PIPOX: variants seen among roughly 807,000 people sequenced by gnomAD.
PIPOX encodes the protein pipecolic acid and sarcosine oxidase.
Under a neutral mutation model 47.9 loss-of-function variants are expected in PIPOX, and 45 were observed. The ratio of observed to expected loss-of-function variants is 0.94; its 90% CI spans 0.74 to 1.20. PIPOX has a LOEUF of 1.20. Among genes scored for constraint, PIPOX ranks in the 50% most tolerant of loss-of-function variants. The probability of loss-of-function intolerance (pLI) is 0.00; values close to 1 mark genes in which losing one functional copy is unlikely to be tolerated. For missense variants in PIPOX, 458 were observed against 498.4 expected, an observed-to-expected ratio of 0.92 and a Z score of 0.77; for synonymous variants, 165 against 191.3, an observed-to-expected ratio of 0.86 and a Z score of 1.13.
At chr17:29,044,518 G>A (rs1431700681) in intron 1 of PIPOX, 2 of 171,562 alleles carry the variant, frequency 1.2e-5, no homozygotes, top group Non-Finnish European at 1.2e-5. Flanking sequence ...CTATTGCACG[G>A]GCTGGAGTGC....
intron 7 of PIPOX, 85 bp from the exon 8 acceptor site, chr17:29,056,090 A>T: frequency 6.5e-7 from 1 of 1,546,812 alleles, no homozygotes; most frequent in Non-Finnish European, 8.9e-7. Flanking sequence ...GAGGACAGTC[A>T]GCCCTGTCTG....
chr17:29,046,866 C>T (rs1411372481), intron 2 of PIPOX: 9 of 554,636 alleles, frequency 1.6e-5, no homozygotes, highest in African/African-American at 1.4e-4. Context: ...CAGCTTTTTT[C>T]ATCTGTGAAG....
At position 29,056,580 on chromosome 17, in the gene PIPOX, T is replaced by C; in HGVS notation, c.*275T>C. The stretch of plus-strand genomic sequence containing the variant: ...CAACTACTTTCTCGCTCCCAGAAGG[T>C]TGATCAGATATTCTACAATCACAGA... On this transcript the variant is annotated 3_prime_UTR_variant, in exon 8 of 8. Transcript: ENST00000323372. 1 of 524,784 alleles carries C rather than the reference T, an allele frequency of 1.9e-6. No homozygotes were observed. The highest frequency in any genetic ancestry group is 3.4e-6 in the Non-Finnish European group (1 of 293,758). The allele number at this position is 524,784 out of a possible 1,614,324, so 32.5% of individuals were successfully genotyped here. A position where few individuals can be genotyped will look rare whatever the true frequency, so the allele number is the denominator to read the frequency against.
In PIPOX at chr17:29,055,192, C is replaced by A; in HGVS notation, c.937C>A (p.Pro313Thr). 1 of 1,614,186 alleles carries A rather than the reference C, an allele frequency of 6.2e-7. No individual in the cohort carries two copies. The highest frequency in any genetic ancestry group is 8.5e-7 in the Non-Finnish European group (1 of 1,180,046). ...TCACTTACCTGATCTGAAGCCCGAG[C>A]CTGCTGTCATTGAGAGCTGCATGTA... ...RDHLPDLKPE[P>T]AVIESCMYTN... is the part of the protein sequence containing the mutation. Residue 313 changes from proline to threonine, a missense_variant, in exon 6 of 8, where the codon CCT becomes ACT. Coordinates refer to ENST00000323372, the MANE Select transcript of PIPOX (RefSeq NM_016518.3).
chr17:29,049,080 GGCATTAGTCGGGCTATA>G lies in PIPOX; in HGVS notation c.264-3836_264-3820del, dbSNP rs369056121. Among the ~76,000 whole-genome samples the G allele has an allele frequency of 4.2e-3, 635 of 152,276 alleles. 7 individuals carry two copies. The highest frequency in any genetic ancestry group is 0.015 in the African/African-American group (613 of 41,562). ...CACCAACTCCCTACATCATATCTGA[GGCATTAGTCGGGCTATA>G]GCAGAGTCAACAAGGCCCTCGGGAG... On this transcript the variant is annotated intron_variant, in intron 2 of 7. Transcript: ENST00000323372.
Position 29,044,918 on chromosome 17 carries a change from G to A in PIPOX, c.174G>A (p.Ala58=), listed in dbSNP as rs761373078. 1.8e-5 allele frequency: 29 copies of A among 1,614,028 alleles called. No individual in the cohort carries two copies. The highest frequency in any genetic ancestry group is 1.8e-4 in the East Asian group (8 of 44,890). Residue 58 remains alanine (A), a synonymous_variant, in exon 2 of 8, where the codon GCG becomes GCA. Coordinates refer to ENST00000323372, the MANE Select transcript of PIPOX (RefSeq NM_016518.3). ...SHGQSRIIRK[A]YLEDFYTRMM... ...GACAAAGCCGGATAATCCGAAAGGC[G>A]TACCTGGAAGACTTTTACACCCGGA...
intron 7 of PIPOX, 52 bp from the exon 8 acceptor site, chr17:29,056,123 A>T: frequency 1.2e-6 from 2 of 1,608,602 alleles, no homozygotes; most frequent in Non-Finnish European, 1.7e-6. Flanking sequence ...ATGTCCAGAG[A>T]GCTCAACCTC....
intron 7 of PIPOX, 123 bp downstream of exon 7, chr17:29,056,011 A>G (rs1444182567): frequency 2.4e-6 from 3 of 1,263,136 alleles, no homozygotes; most frequent in Non-Finnish European, 2.3e-6. Flanking sequence ...TGTAGGTATA[A>G]GGAGGCTGGG....
At position 29,044,950 on chromosome 17, in the gene PIPOX, A is replaced by C. The variant is rs1387366837; in HGVS notation, c.206A>C (p.His69Pro). 1.2e-6 allele frequency: 2 copies of C among 1,614,136 alleles called. No individual in the cohort carries two copies. Among genetic ancestry groups the C allele is most frequent in the East Asian group, 4.5e-5 (2 of 44,874 alleles). ...GAAGACTTTTACACCCGGATGATGC[A>C]TGAGTGCTATCAGATATGGGCCCAG... ...YLEDFYTRMM[H>P]ECYQIWAQLE... Residue 69 changes from histidine (H) to proline (P), a missense_variant, in exon 2 of 8, where the codon CAT (histidine) becomes CCT (proline). Coordinates refer to ENST00000323372, the MANE Select transcript of PIPOX (RefSeq NM_016518.3).
At position 29,053,387 on chromosome 17, in the gene PIPOX, A is replaced by G. The variant is rs1336360246; in HGVS notation, c.478-26A>G. On this transcript the variant is annotated intron_variant, in intron 3 of 7. Coordinates refer to ENST00000323372, the MANE Select transcript of PIPOX (RefSeq NM_016518.3). The stretch of plus-strand genomic sequence containing the variant: ...GGTGAACCACATACAGAACTAATTC[A>G]CCTTTCCCTGCTCCTGCCCTTTCAG... The G allele has an allele frequency of 3.1e-6, 5 of 1,597,372 alleles. No individual in the cohort carries two copies. The East Asian group carries it at 6.7e-5, about 21-fold the overall frequency.
Position 29,056,551 on chromosome 17 carries a change from T to C in PIPOX, c.*246T>C. The C allele has an allele frequency of 3.6e-6, 2 of 560,480 alleles. No individual in the cohort carries two copies. 34.7% of individuals were successfully genotyped at this position (560,480 alleles called of 1,614,324 possible). On this transcript the variant is annotated 3_prime_UTR_variant, in exon 8 of 8. Coordinates refer to ENST00000323372, the MANE Select transcript of PIPOX (RefSeq NM_016518.3). The stretch of plus-strand genomic sequence containing the variant: ...CCTTCTTTTCTTGGCCACCTCCCCA[T>C]TCACAACTACTTTCTCGCTCCCAGA...
At position 29,054,581 on chromosome 17, in the gene PIPOX, G is replaced by T. The variant is rs370818051; in HGVS notation, c.697G>T (p.Val233Phe). ...CAACGTGTGTTACTGGCGAGAGATG[G>T]TTCCTGGGAGCTATGGTGTGTCCCA... ...RINVCYWREM[V>F]PGSYGVSQAF... Residue 233 changes from valine (V) to phenylalanine (F), a missense_variant, in exon 5 of 8, where the codon GTT becomes TTT. By Grantham distance (50) the Val-to-Phe change is conservative (BLOSUM62 -1). Transcript: ENST00000323372. 9 of 1,614,078 alleles carry T rather than the reference G, an allele frequency of 5.6e-6. No individual in the cohort carries two copies. Among genetic ancestry groups the T allele is most frequent in the Admixed American group, 1.7e-5 (1 of 60,006 alleles).
chr17:29,049,477 A>G (rs1479171967), intron 2 of PIPOX, among the ~76,000 whole-genome samples: 1 of 152,192 alleles, frequency 6.6e-6, no homozygotes, highest in African/African-American at 2.4e-5. Flanking sequence ...TATCTAGAAA[A>G]AGCCATTAAG....
At chr17:29,045,053 C>T in intron 2 of PIPOX, 46 bp downstream of exon 2, 2 of 1,540,804 alleles carry the variant, frequency 1.3e-6, no homozygotes, top group Non-Finnish European at 1.8e-6. Flanking sequence ...TCTGCACCTG[C>T]AGGTACTTTT....
At position 29,054,589 on chromosome 17, in the gene PIPOX, GAGCTATGGTGTGTCCC is replaced by G. The variant is rs1568020770; in HGVS notation, c.708_723del (p.Ser236ArgfsTer27). On this transcript the variant is annotated frameshift_variant, in exon 5 of 8. Transcript: ENST00000323372. LOFTEE classifies it high-confidence loss of function. Reference sequence around the variant, plus strand: ...GTTACTGGCGAGAGATGGTTCCTGGGAGCTATGGTGTGTCCCAGGCCTTTCCGTGCTTCCTGTGGCT... The same window carrying G: ...GTTACTGGCGAGAGATGGTTCCTGGGAGGCCTTTCCGTGCTTCCTGTGGCT... 1.2e-6 allele frequency: 2 copies of G among 1,614,096 alleles called. No individual in the cohort carries two copies. Among genetic ancestry groups the G allele is most frequent in the Non-Finnish European group, 1.7e-6 (2 of 1,180,044 alleles).
intron 2 of PIPOX, 59 bp downstream of exon 2, chr17:29,045,066 T>A: frequency 6.6e-7 from 1 of 1,508,224 alleles, no homozygotes; most frequent in Non-Finnish European, 8.9e-7. Flanking sequence ...GTACTTTTAG[T>A]GTGTGAAGTG....
intron 2 of PIPOX, 119 bp downstream of exon 2, chr17:29,045,126 A>G: frequency 9.0e-7 from 1 of 1,117,300 alleles, no homozygotes; most frequent in Non-Finnish European, 1.3e-6. Context: ...CAAGGCCTCA[A>G]GAAGTACCAG....
intron 1 of PIPOX, among the ~76,000 whole-genome samples, chr17:29,043,765 C>T (rs1206600462): frequency 1.3e-5 from 2 of 151,962 alleles, no homozygotes; most frequent in Admixed American, 6.6e-5. Context: ...TTCTGTCTTG[C>T]ATATTCCTGG....
At chr17:29,050,895 A>G (rs2065803522) in intron 2 of PIPOX, among the ~76,000 whole-genome samples, 1 of 151,880 alleles carries the variant, frequency 6.6e-6, no homozygotes, top group African/African-American at 2.4e-5. Flanking sequence ...TAATCTCAGC[A>G]CTTTGTGAGG....
Sources: allele counts gnomAD v4.1 joint callset (sites outside exome capture counted in the v4.1 genomes callset), GRCh38; gene constraint gnomAD v4.1.1; transcripts MANE v1.5; gene names NCBI Gene and HGNC (gene_info 2026-07-23, HGNC 2026-07-21).